Variants in ZSWIM5 observed in about 807,000 individuals in gnomAD.
ZSWIM5 encodes zinc finger SWIM domain-containing protein 5.
A neutral mutation model predicts 119.6 loss-of-function variants in ZSWIM5; 55 were observed. That is an observed-to-expected ratio of 0.46 (90% CI 0.37 to 0.58). The LOEUF (loss-of-function observed/expected upper bound fraction) is 0.58. ZSWIM5 is among the 20% of genes least tolerant of loss of function. The probability of loss-of-function intolerance (pLI) is 0.00; values close to 1 mark genes in which losing one functional copy is unlikely to be tolerated. For synonymous variants in ZSWIM5, 537 were observed against 606.9 expected, an observed-to-expected ratio of 0.88 and a Z score of 1.69; for missense variants, 1,193 against 1,512.8, an observed-to-expected ratio of 0.79 and a Z score of 3.51.
At chr1:45,060,313 G>T in intron 2 of ZSWIM5, 66 bp from the exon 3 acceptor site, 1 of 1,549,176 alleles carries the variant, frequency 6.5e-7, no homozygotes, top group Non-Finnish European at 8.8e-7. Flanking sequence ...AGCTGGAGGG[G>T]CACTTTGTGA....
intron 2 of ZSWIM5, among the ~76,000 whole-genome samples, chr1:45,077,109 T>C (rs1457983793): frequency 1.3e-5 from 2 of 152,138 alleles, no homozygotes; most frequent in Non-Finnish European, 2.9e-5. Context: ...CCTGGTACCT[T>C]TAGTTCATTT....
rs1398421970 is a variant in ZSWIM5, at chr1:45,205,839, G to T, written c.512C>A (p.Ala171Asp). Residue 171 changes from alanine (A) to aspartate (D), a missense_variant, in exon 1 of 14, where the codon GCC (alanine) becomes GAC (aspartate). By Grantham distance (126) the Ala-to-Asp change is moderately radical. Around this residue, in one of 2 missense-constraint regions of ZSWIM5, gnomAD observed 961 missense variants for 1,290.0 expected, o/e 0.74. Coordinates refer to ENST00000359600, the MANE Select transcript of ZSWIM5 (RefSeq NM_020883.2). Reference sequence around the variant, plus strand: ...CGGGAGCCCCTCGCCACCGCAGCCGGCCGCGCCGGCCCCTGCGCCCAGCCC... The same window carrying T: ...CGGGAGCCCCTCGCCACCGCAGCCGTCCGCGCCGGCCCCTGCGCCCAGCCC... ...SPGLGAGAGA[A>D]GCGGEGLPFR... 6.7e-7 allele frequency: 1 copy of T among 1,483,594 alleles called. No homozygotes were observed. The highest frequency in any genetic ancestry group is 1.2e-5 in the South Asian group (1 of 82,324). 91.9% of individuals were successfully genotyped at this position (1,483,594 alleles called of 1,614,324 possible).
At chr1:45,172,939 A>T (rs957723984) in intron 1 of ZSWIM5, among the ~76,000 whole-genome samples, 1 of 152,028 alleles carries the variant, frequency 6.6e-6, no homozygotes, top group African/African-American at 2.4e-5. Context: ...CAAGGTGGGA[A>T]GATTGCTTAA....
chr1:45,192,357 C>T (rs1646097884), intron 1 of ZSWIM5, among the ~76,000 whole-genome samples: 3 of 152,148 alleles, frequency 2.0e-5, no homozygotes, highest in Admixed American at 2.0e-4. Context: ...CTAAATACTG[C>T]ATGTAAGTGG....
chr1:45,172,309 A>G (rs1645950474), intron 1 of ZSWIM5, among the ~76,000 whole-genome samples: 2 of 152,146 alleles, frequency 1.3e-5, no homozygotes, highest in Admixed American at 6.6e-5. Context: ...AAAAAGGAAG[A>G]TAAAATATCA....
chr1:45,142,439 C>A (rs992635485), intron 1 of ZSWIM5, among the ~76,000 whole-genome samples: 25 of 152,078 alleles, frequency 1.6e-4, no homozygotes, highest in Admixed American at 1.5e-3. Context: ...GCAGTCTTGA[C>A]CTCCCAGGCT....
At chr1:45,041,243 T>G (rs555858478) in intron 6 of ZSWIM5, among the ~76,000 whole-genome samples, 1 of 152,304 alleles carries the variant, frequency 6.6e-6, no homozygotes, top group East Asian at 1.9e-4. Flanking sequence ...AATTATGTTA[T>G]GTGGCCTAAG....
chr1:45,129,212 G>A (rs901518272), intron 1 of ZSWIM5, among the ~76,000 whole-genome samples: 3 of 134,578 alleles, frequency 2.2e-5, no homozygotes, highest in Admixed American at 8.3e-5. Flanking sequence ...AGGCTGAAGC[G>A]CAATTGCGCA....
At chr1:45,062,656 A>G (rs1645159655) in intron 2 of ZSWIM5, among the ~76,000 whole-genome samples, 1 of 151,980 alleles carries the variant, frequency 6.6e-6, no homozygotes, top group South Asian at 2.1e-4. Flanking sequence ...ATGCACCACT[A>G]TGCCCAACTA....
At chr1:45,166,057 G>A (rs1364184749) in intron 1 of ZSWIM5, among the ~76,000 whole-genome samples, 14 of 151,628 alleles carry the variant, frequency 9.2e-5, no homozygotes, top group Admixed American at 6.6e-5. Flanking sequence ...ACATCGATGC[G>A]AAAATCCTCA....
intron 7 of ZSWIM5, among the ~76,000 whole-genome samples, chr1:45,039,912 G>A (rs925374547): frequency 1.3e-5 from 2 of 152,070 alleles, no homozygotes; most frequent in East Asian, 3.9e-4. Context: ...CTCCATGTTG[G>A]TCAGGCTGGT....
intron 11 of ZSWIM5, among the ~76,000 whole-genome samples, chr1:45,024,098 G>A (rs1644905552): frequency 6.6e-6 from 1 of 151,524 alleles, no homozygotes; most frequent in South Asian, 2.1e-4. Context: ...TGTATATTTG[G>A]GATATAAGTC....
At chr1:45,040,095 C>A (rs1645010548) in intron 7 of ZSWIM5, among the ~76,000 whole-genome samples, 3 of 152,198 alleles carry the variant, frequency 2.0e-5, no homozygotes, top group Admixed American at 2.0e-4. Flanking sequence ...ACCTGGGCCT[C>A]CCAAAGTGCT....
chr1:45,155,813 C>T (rs1192124262), intron 1 of ZSWIM5, among the ~76,000 whole-genome samples: 1 of 152,158 alleles, frequency 6.6e-6, no homozygotes, highest in East Asian at 1.9e-4. Flanking sequence ...TGTTCTCACT[C>T]ATAAGCGGGA....
intron 1 of ZSWIM5, among the ~76,000 whole-genome samples, chr1:45,189,648 C>A (rs1332688004): frequency 6.6e-6 from 1 of 151,584 alleles, no homozygotes; most frequent in Admixed American, 6.6e-5. Flanking sequence ...CCCAGCCACT[C>A]GGGAGGCTGA....
chr1:45,103,267 A>G (rs1645451053), intron 1 of ZSWIM5, among the ~76,000 whole-genome samples: 2 of 152,196 alleles, frequency 1.3e-5, no homozygotes, highest in Admixed American at 6.5e-5. Context: ...GCCAACATTT[A>G]CTGGATATAC....
intron 2 of ZSWIM5, among the ~76,000 whole-genome samples, chr1:45,081,485 AT>A (rs1165422878): frequency 1.3e-5 from 2 of 152,010 alleles, no homozygotes; most frequent in Non-Finnish European, 1.5e-5. Flanking sequence ...TGGTTTTCGT[AT>A]TTTTTTGGTG....
intron 1 of ZSWIM5, among the ~76,000 whole-genome samples, chr1:45,171,506 C>A (rs956295951): frequency 2.0e-5 from 3 of 152,074 alleles, no homozygotes; most frequent in Admixed American, 1.3e-4. Flanking sequence ...AACAGTTTTA[C>A]AGCCTATCAA....
intron 8 of ZSWIM5, 152 bp downstream of exon 8, chr1:45,038,784 C>G (rs1645001364): frequency 1.2e-6 from 1 of 848,476 alleles, no homozygotes; most frequent in Non-Finnish European, 1.8e-6. Flanking sequence ...TTTGTAGAGA[C>G]AGGGTTTTGC....
Sources: allele counts gnomAD v4.1 joint callset (sites outside exome capture counted in the v4.1 genomes callset), GRCh38; gene constraint gnomAD v4.1.1; regional missense constraint gnomAD v4.1.1; transcripts MANE v1.5; gene names NCBI Gene and HGNC (gene_info 2026-07-23, HGNC 2026-07-21).